The following PARP6 variants were observed in gnomAD, a reference collection of about 807,000 sequenced individuals.
PARP6 encodes the protein poly(ADP-ribose) polymerase family member 6.
In PARP6, 27 loss-of-function variants were observed where a neutral mutation model predicts 92.0. That is an observed-to-expected ratio of 0.29 (90% CI 0.22 to 0.40). PARP6 has a LOEUF of 0.40. Ranked by LOEUF, PARP6 falls within the 10% of genes least tolerant of loss-of-function variation. The pLI is 1.00. For synonymous variants in PARP6, 272 were observed against 281.2 expected, an observed-to-expected ratio of 0.97 and a Z score of 0.33; for missense variants, 501 against 784.5, an observed-to-expected ratio of 0.64 and a Z score of 4.32.
chr15:72,250,717 T>C (rs2288256), intron 18 of PARP6, 128 bp downstream of exon 18: 30,511 of 634,812 alleles, frequency 0.048, 1,535 homozygotes, highest in East Asian at 0.2. Flanking sequence ...CCTACCACAA[T>C]AGCATTTAGT....
intron 14 of PARP6, among the ~76,000 whole-genome samples, chr15:72,255,409 T>A (rs1362203573): frequency 1.3e-5 from 2 of 151,956 alleles, no homozygotes; most frequent in Non-Finnish European, 2.9e-5. Flanking sequence ...CCCACCAACA[T>A]GCCTGGCTAA....
In PARP6 at chr15:72,242,242, G is replaced by A. The variant is rs751030534; in HGVS notation, c.1642-22C>T. 6.2e-7 allele frequency: 1 copy of A among 1,605,638 alleles called. No homozygotes were observed. Among genetic ancestry groups the A allele is most frequent in the Non-Finnish European group, 8.5e-7 (1 of 1,172,326 alleles). On this transcript the variant is annotated intron_variant, in intron 21 of 23. Coordinates refer to ENST00000569795, the MANE Select transcript of PARP6 (RefSeq NM_001323532.2). The surrounding 1 kb of genome is among the most constrained non-coding windows in gnomAD (Gnocchi z 4.3). Reference sequence around the variant, plus strand: ...GGGTCTGGAAGAGAAGGAGGCAAAGGAGACCAGAGCCAGGTAGATGGGTAC... The same window carrying A: ...GGGTCTGGAAGAGAAGGAGGCAAAGAAGACCAGAGCCAGGTAGATGGGTAC...
At chr15:72,247,277 G>A (rs963810747) in intron 20 of PARP6, among the ~76,000 whole-genome samples, 81 of 152,136 alleles carry the variant, frequency 5.3e-4, no homozygotes, top group African/African-American at 2.0e-3. Context: ...TGGGCTCAGT[G>A]ATCTTCCTGC....
chr15:72,242,263 G>C lies in PARP6; in HGVS notation c.1642-43C>G. The C allele has an allele frequency of 6.7e-7, 1 of 1,495,392 alleles. No homozygotes were observed. The highest frequency in any genetic ancestry group is 9.3e-7 in the Non-Finnish European group (1 of 1,072,206). The allele number at this position is 1,495,392 out of a possible 1,614,324, so 92.6% of individuals were successfully genotyped here. A position where few individuals can be genotyped will look rare whatever the true frequency, so the allele number is the denominator to read the frequency against. ...AAAGGAGACCAGAGCCAGGTAGATG[G>C]GTACAGCTTTCCCTAGAGAGGCTGG... On this transcript the variant is annotated intron_variant, in intron 21 of 23. Coordinates refer to ENST00000569795, the MANE Select transcript of PARP6 (RefSeq NM_001323532.2). This position sits in a 1 kb window ranked among gnomAD's most constrained non-coding sequence, Gnocchi z 4.3.
Position 72,253,512 on chromosome 15 carries a change from A to T in PARP6, c.1192-8T>A. The T allele has an allele frequency of 6.2e-7, 1 of 1,612,214 alleles. No individual in the cohort carries two copies. Among genetic ancestry groups the T allele is most frequent in the Non-Finnish European group, 8.5e-7 (1 of 1,178,348 alleles). Reference sequence around the variant, plus strand: ...GATTTCCAAATATGAGCCCTGTAAGACAATGGCCATAACGTTATCTCCTTG... The same window carrying T: ...GATTTCCAAATATGAGCCCTGTAAGTCAATGGCCATAACGTTATCTCCTTG... On this transcript the variant is annotated splice_region_variant and splice_polypyrimidine_tract_variant and intron_variant, in intron 15 of 23. Transcript: ENST00000569795.
chr15:72,246,598 T>G (rs2083636179), intron 20 of PARP6, among the ~76,000 whole-genome samples: 1 of 152,210 alleles, frequency 6.6e-6, no homozygotes, highest in Non-Finnish European at 1.5e-5. Flanking sequence ...ATTATTCTTT[T>G]GTTTTTTCTT....
At chr15:72,270,731 C>T (rs2087299894) in intron 2 of PARP6, among the ~76,000 whole-genome samples, 1 of 152,208 alleles carries the variant, frequency 6.6e-6, no homozygotes, top group Non-Finnish European at 1.5e-5. Context: ...ACAGAAACAA[C>T]TCAACACCCA....
chr15:72,264,615 G>C lies in PARP6; in HGVS notation c.335C>G (p.Ser112Cys). ...LSQYLDGPEP[S>C]IEVFQPSNKE... is the part of the protein sequence containing the mutation. ...ATTTGATGGCTGGAAAACCTCAATG[G>C]ATGGTTCTGCAAAGAGAAGAGAAGG... Residue 112 changes from serine (S) to cysteine (C), a missense_variant, in exon 8 of 24, where the codon TCC becomes TGC. Ser to Cys is a moderately radical substitution (Grantham distance 112). Coordinates refer to ENST00000569795, the MANE Select transcript of PARP6 (RefSeq NM_001323532.2). 6.2e-7 allele frequency: 1 copy of C among 1,613,658 alleles called. No homozygotes were observed. The highest frequency in any genetic ancestry group is 1.1e-5 in the South Asian group (1 of 91,060).
At chr15:72,255,668 A>G (rs1056651123) in intron 14 of PARP6, among the ~76,000 whole-genome samples, 1 of 151,726 alleles carries the variant, frequency 6.6e-6, no homozygotes, top group African/African-American at 2.4e-5. Context: ...CTCCATAATC[A>G]TGTGAGGCAA....
At position 72,242,600 on chromosome 15, in the gene PARP6, C is replaced by T; in HGVS notation, c.1641+20G>A. 2 of 1,531,746 alleles carry T rather than the reference C, an allele frequency of 1.3e-6. No individual in the cohort carries two copies. The highest frequency in any genetic ancestry group is 1.8e-6 in the Non-Finnish European group (2 of 1,104,854). 94.9% of individuals were successfully genotyped at this position (1,531,746 alleles called of 1,614,324 possible). On this transcript the variant is annotated intron_variant, in intron 21 of 23. Transcript: ENST00000569795. The surrounding 1 kb of genome is among the most constrained non-coding windows in gnomAD (Gnocchi z 4.3). ...TTAGCCCCAGGGAAAGGTCCTGCCT[C>T]ATTAGAATAGTTCCAATACCTGGGG...
chr15:72,257,579 T>C (rs757261975), intron 12 of PARP6, 139 bp from the exon 13 acceptor site: 39 of 638,308 alleles, frequency 6.1e-5, no homozygotes, highest in African/African-American at 1.1e-4. Flanking sequence ...AAACTACCAA[T>C]AAAGTCTTAA....
At chr15:72,258,371 AATACT>A (rs2085406346) in intron 11 of PARP6, among the ~76,000 whole-genome samples, 2 of 152,212 alleles carry the variant, frequency 1.3e-5, no homozygotes, top group Admixed American at 6.5e-5. Context: ...CTGTACTTCT[AATACT>A]TAATGGCATA....
At position 72,254,481 on chromosome 15, in the gene PARP6, C is replaced by T; in HGVS notation, c.1165G>A (p.Val389Met). Residue 389 changes from valine (V) to methionine (M), a missense_variant, in exon 15 of 24, where the codon GTG (valine) becomes ATG (methionine). Physicochemically the swap from Val to Met is conservative, Grantham distance 21. Coordinates refer to ENST00000569795, the MANE Select transcript of PARP6 (RefSeq NM_001323532.2). ...YERLQKALDS[V>M]MSIREMTQGS... ...TGGGTCATCTCCCGAATAGACATCACACTATCCAGAGCTTTCTGAAGCCGC... is the reference window on the plus strand; with the variant it reads ...TGGGTCATCTCCCGAATAGACATCATACTATCCAGAGCTTTCTGAAGCCGC... The T allele has an allele frequency of 8.7e-6, 14 of 1,613,608 alleles. No homozygotes were observed. Among genetic ancestry groups the T allele is most frequent in the Non-Finnish European group, 1.2e-5 (14 of 1,179,500 alleles).
intron 8 of PARP6, among the ~76,000 whole-genome samples, chr15:72,263,175 A>C (rs915057605): frequency 6.6e-6 from 1 of 152,184 alleles, no homozygotes; most frequent in African/African-American, 2.4e-5. Flanking sequence ...GTGGTATCAC[A>C]ATTTACCCAG....
At chr15:72,264,011 ACT>A (rs1357640364) in intron 8 of PARP6, among the ~76,000 whole-genome samples, 1 of 145,046 alleles carries the variant, frequency 6.9e-6, no homozygotes, top group African/African-American at 2.6e-5. Flanking sequence ...TGAGAGCAAG[ACT>A]CTGTCTCCAA....
chr15:72,267,564 C>T lies in PARP6; in HGVS notation c.-87G>A, dbSNP rs2086764020. The T allele has an allele frequency of 1.3e-5, 18 of 1,418,096 alleles. No individual in the cohort carries two copies. In the South Asian group the frequency reaches 2.1e-4, roughly 16 times the overall value. The allele number at this position is 1,418,096 out of a possible 1,614,324, so 87.8% of individuals were successfully genotyped here. On this transcript the variant is annotated 5_prime_UTR_variant, in exon 3 of 24. An upstream start codon of the reference 5' UTR is lost. Coordinates refer to ENST00000569795, the MANE Select transcript of PARP6 (RefSeq NM_001323532.2). The stretch of plus-strand genomic sequence containing the variant: ...GCCGAACCAAGGCCAACGAGATGGG[C>T]ATTTAGGAGACCACAAAGGGAGACA...
intron 20 of PARP6, chr15:72,244,218 AGAG>A (rs1249718098): frequency 6.6e-6 from 1 of 152,240 alleles, no homozygotes; most frequent in Admixed American, 6.5e-5. Flanking sequence ...GTTATACTCC[AGAG>A]GAGGCACATA....
At chr15:72,262,382 C>T (rs57595193) in intron 8 of PARP6, among the ~76,000 whole-genome samples, 3,326 of 152,292 alleles carry the variant, frequency 0.022, 118 homozygotes, top group African/African-American at 0.077. Flanking sequence ...TCCACCCTAC[C>T]TTGATCCCTC....
rs59023007 is a variant in PARP6 at position 72,269,899 on chromosome 15, C to CA, written c.-195+1123dup. ...GGGGGGCAACAGCAAAACTCTGTCT[C>CA]AAAAAAAAAAAAAAAAAAAGAAAAA... is the stretch of plus-strand genomic sequence containing the variant. On this transcript the variant is annotated intron_variant, in intron 2 of 23. Coordinates refer to ENST00000569795, the MANE Select transcript of PARP6 (RefSeq NM_001323532.2). Among the ~76,000 whole-genome samples, 28 of 100,200 alleles carry CA rather than the reference C, an allele frequency of 2.8e-4. 1 individual carries two copies. Among genetic ancestry groups the CA allele is most frequent in the African/African-American group, 8.0e-4 (22 of 27,636 alleles). 65.7% of individuals were successfully genotyped at this position (100,200 alleles called of 152,430 possible).
Sources: allele counts gnomAD v4.1 joint callset (sites outside exome capture counted in the v4.1 genomes callset), GRCh38; gene constraint gnomAD v4.1.1; non-coding constraint Gnocchi (gnomAD v3.1); transcripts MANE v1.5; gene names NCBI Gene and HGNC (gene_info 2026-07-23, HGNC 2026-07-21).